The following CCDC88B variants were observed in gnomAD, a reference collection of about 807,000 sequenced individuals.
CCDC88B encodes the protein coiled-coil and HOOK domain protein 88B.
CCDC88B carries 138 observed loss-of-function variants against 183.7 expected under a neutral mutation model. That is an observed-to-expected ratio of 0.75 (90% CI 0.65 to 0.87). The LOEUF (loss-of-function observed/expected upper bound fraction) is 0.87. Among genes scored for constraint, CCDC88B ranks in the 40% least tolerant of loss-of-function variants. CCDC88B has a pLI of 0.00. For missense variants in CCDC88B, 1,822 were observed against 1,965.6 expected, an observed-to-expected ratio of 0.93 and a Z score of 1.38; for synonymous variants, 835 against 867.5, an observed-to-expected ratio of 0.96 and a Z score of 0.66.
chr11:64,348,180 A>C (rs1255014854), intron 14 of CCDC88B, among the ~76,000 whole-genome samples: 2 of 151,286 alleles, frequency 1.3e-5, no homozygotes, highest in Admixed American at 1.3e-4. Flanking sequence ...GGCAGCAGGT[A>C]GGCAGTGAAG....
In CCDC88B at chr11:64,344,141, C is replaced by T. The variant is rs780767761; in HGVS notation, c.1600C>T (p.Pro534Ser). ...DGGPQALDLA[P>S]PALDSVLEAS... ...AGGCCCCCAGGCCTTGGACTTGGCT[C>T]CCCCGGCATTAGACTCAGTGCTCGA... is the stretch of plus-strand genomic sequence containing the variant. Residue 534 changes from proline to serine, a missense_variant, in exon 14 of 27, where the codon CCC (proline) becomes TCC (serine). By Grantham distance (74) the Pro-to-Ser change is moderately conservative. Coordinates refer to ENST00000356786, the MANE Select transcript of CCDC88B (RefSeq NM_032251.6). The surrounding 1 kb of genome is among the most constrained non-coding windows in gnomAD (Gnocchi z 4.5). 5 of 1,613,170 alleles carry T rather than the reference C, an allele frequency of 3.1e-6. No individual in the cohort carries two copies. The highest frequency in any genetic ancestry group is 1.1e-5 in the South Asian group (1 of 91,020).
At position 64,353,791 on chromosome 11, in the gene CCDC88B, C is replaced by G. The variant is rs763859396; in HGVS notation, c.3910C>G (p.Pro1304Ala). 5 of 1,614,054 alleles carry G rather than the reference C, an allele frequency of 3.1e-6. No individual in the cohort carries two copies. The highest frequency in any genetic ancestry group is 4.2e-6 in the Non-Finnish European group (5 of 1,179,952). ...KIMDQYRVLE[P>A]VPLPRTKKGS... The stretch of plus-strand genomic sequence containing the variant: ...CATGGACCAATACCGCGTGCTGGAG[C>G]CTGTGCCCCTGCCCCGGACCAAGTG... The change falls in exon 23 of 27, where the codon CCT becomes GCT. Residue 1304 changes from proline (P) to alanine (A), a missense_variant. Coordinates refer to ENST00000356786, the MANE Select transcript of CCDC88B (RefSeq NM_032251.6).
In CCDC88B at chr11:64,344,760, A is replaced by T; in HGVS notation, c.2219A>T (p.Lys740Met). 1 of 1,613,912 alleles carries T rather than the reference A, an allele frequency of 6.2e-7. No individual in the cohort carries two copies. Among genetic ancestry groups the T allele is most frequent in the Non-Finnish European group, 8.5e-7 (1 of 1,179,984 alleles). The stretch of plus-strand genomic sequence containing the variant: ...GAGGAGGTGGCACAGTTGAGGAGAA[A>T]GGCTGAGGCCCTTGGAGATGAGCTG... The part of the protein sequence containing the change: ...LREEVAQLRR[K>M]AEALGDELEA... Residue 740 changes from lysine (K) to methionine (M), a missense_variant, in exon 14 of 27, where the codon AAG (lysine) becomes ATG (methionine). Physicochemically the swap from Lys to Met is moderately conservative, Grantham distance 95. Coordinates refer to ENST00000356786, the MANE Select transcript of CCDC88B (RefSeq NM_032251.6). The surrounding 1 kb of genome is among the most constrained non-coding windows in gnomAD (Gnocchi z 4.5).
intron 24 of CCDC88B, 72 bp downstream of exon 24, chr11:64,354,242 T>C: frequency 8.0e-7 from 1 of 1,244,318 alleles, no homozygotes; most frequent in Non-Finnish European, 1.0e-6. Context: ...GGCACCTGCC[T>C]CACTGCCTGG....
chr11:64,345,717 C>A (rs749185443), intron 14 of CCDC88B, among the ~76,000 whole-genome samples: 13 of 152,124 alleles, frequency 8.5e-5, no homozygotes, highest in Admixed American at 2.0e-4. Flanking sequence ...GCATTAAAGA[C>A]GCTCAGGGGC....
rs767989966 is a variant in CCDC88B, at chr11:64,340,870, C to T, written c.207-37C>T. 25 of 1,535,024 alleles carry T rather than the reference C, an allele frequency of 1.6e-5. 1 individual carries two copies. In the South Asian group the frequency reaches 3.2e-4, roughly 19 times the overall value. On this transcript the variant is annotated intron_variant, in intron 2 of 26. Coordinates refer to ENST00000356786, the MANE Select transcript of CCDC88B (RefSeq NM_032251.6). ...AGGGACGGTGGGCGAGGCCTGTTGA[C>T]GGGAGGCGGGTCCTCGAGCCCACCT...
At position 64,340,604 on chromosome 11, in the gene CCDC88B, C is replaced by A; in HGVS notation, c.61-3C>A. The A allele has an allele frequency of 6.2e-7, 1 of 1,607,144 alleles. No homozygotes were observed. Among genetic ancestry groups the A allele is most frequent in the Middle Eastern group, 1.7e-4 (1 of 5,736 alleles). ...TCGGCTGACCCCTCTGGGCTCCTCA[C>A]AGGCGCTGGGACTGGCCGGGCTGGT... On this transcript the variant is annotated splice_region_variant and splice_polypyrimidine_tract_variant and intron_variant, in intron 1 of 26. Coordinates refer to ENST00000356786, the MANE Select transcript of CCDC88B (RefSeq NM_032251.6).
Position 64,354,029 on chromosome 11 carries a change from G to C in CCDC88B, c.3958G>C (p.Val1320Leu), listed in dbSNP as rs2036444788. 2 of 1,483,092 alleles carry C rather than the reference G, an allele frequency of 1.3e-6. No homozygotes were observed. Among genetic ancestry groups the C allele is most frequent in the Non-Finnish European group, 1.8e-6 (2 of 1,112,682 alleles). The allele number at this position is 1,483,092 out of a possible 1,614,324, so 91.9% of individuals were successfully genotyped here. A position where few individuals can be genotyped will look rare whatever the true frequency, so the allele number is the denominator to read the frequency against. ...TKKGSWLADK[V>L]KRLMRPRREG... ...GAAGGGCAGCTGGCTGGCAGACAAG[G>C]TGAAGAGGCTGATGCGGCCCCGGCG... Residue 1320 changes from valine to leucine, a missense_variant, in exon 24 of 27, where the codon GTG (valine) becomes CTG (leucine). By Grantham distance (32) the Val-to-Leu change is conservative (BLOSUM62 1). Transcript: ENST00000356786.
rs952197280 is a variant in CCDC88B, at chr11:64,343,912, C to T, written c.1453C>T (p.Gln485Ter). ...LQVLQGQPGG[Q>*]HPLLEAPRED... ...GGTGCTTCAGGGGCAGCCAGGGGGC[C>T]AGGTAAGTCCCCTCCCCCAGGGTCC... Residue 485 changes from glutamine to a stop codon, truncating the protein, a stop_gained and splice_region_variant, in exon 13 of 27, where the codon CAG becomes TAG. Coordinates refer to ENST00000356786, the MANE Select transcript of CCDC88B (RefSeq NM_032251.6). LOFTEE classifies it high-confidence loss of function. 6.3e-7 allele frequency: 1 copy of T among 1,598,670 alleles called. No homozygotes were observed. Among genetic ancestry groups the T allele is most frequent in the Non-Finnish European group, 8.5e-7 (1 of 1,172,418 alleles).
intron 1 of CCDC88B, 125 bp downstream of exon 1, chr11:64,340,451 G>T: frequency 7.5e-7 from 1 of 1,336,354 alleles, no homozygotes; most frequent in South Asian, 1.6e-5. Context: ...TTCAAATGTG[G>T]GGGATGGAGA....
In CCDC88B at chr11:64,340,962, G is replaced by A. The variant is rs1371487415; in HGVS notation, c.262G>A (p.Ala88Thr). The change falls in exon 3 of 27, where the codon GCC becomes ACC. Residue 88 changes from alanine (A) to threonine (T), a missense_variant. Physicochemically the swap from Ala to Thr is moderately conservative, Grantham distance 58. Transcript: ENST00000356786. Reference sequence around the variant, plus strand: ...GCTCAGAGGCCTTGACGGACCTGCTGCCTGGCGAGTGTGGAACCTGAACCA... The same window carrying A: ...GCTCAGAGGCCTTGACGGACCTGCTACCTGGCGAGTGTGGAACCTGAACCA... ...RMLRGLDGPA[A>T]WRVWNLNHLW... 3.7e-6 allele frequency: 6 copies of A among 1,601,812 alleles called. No homozygotes were observed. The East Asian group carries it at 1.3e-4, about 36-fold the overall frequency.
At chr11:64,355,786 G>T in intron 26 of CCDC88B, 158 bp downstream of exon 26, 1 of 601,102 alleles carries the variant, frequency 1.7e-6, no homozygotes, top group Non-Finnish European at 2.8e-6. Flanking sequence ...GGTGTGAGGA[G>T]GCAGATAGTA....
intron 21 of CCDC88B, 50 bp from the exon 22 acceptor site, chr11:64,353,301 G>C: frequency 6.3e-7 from 1 of 1,598,074 alleles, no homozygotes; most frequent in Middle Eastern, 1.8e-4. Flanking sequence ...CTAGACCCAG[G>C]TGGTCCTGAG....
intron 14 of CCDC88B, among the ~76,000 whole-genome samples, chr11:64,348,641 C>T (rs1430184198): frequency 6.6e-6 from 1 of 152,204 alleles, no homozygotes; most frequent in East Asian, 1.9e-4. Context: ...GGCTTGTAGG[C>T]TTGGTTTCCA....
At chr11:64,355,975 T>C (rs2036533573) in intron 26 of CCDC88B, 1 of 179,228 alleles carries the variant, frequency 5.6e-6, no homozygotes, top group African/African-American at 2.4e-5. Context: ...CATTTCAGCA[T>C]GTAGCCAGTG....
chr11:64,341,900 C>A, intron 7 of CCDC88B, 94 bp from the exon 8 acceptor site: 2 of 705,430 alleles, frequency 2.8e-6, no homozygotes, highest in East Asian at 7.1e-5. Context: ...GCCCAAGACC[C>A]CAGACCACAA....
Position 64,341,846 on chromosome 11 carries a change from T to A in CCDC88B, c.675+104T>A, listed in dbSNP as rs763481810. 1.6e-4 allele frequency: 117 copies of A among 741,352 alleles called. 1 individual carries two copies. Among genetic ancestry groups the A allele is most frequent in the Non-Finnish European group, 2.1e-4 (115 of 554,634 alleles). 45.9% of individuals were successfully genotyped at this position (741,352 alleles called of 1,614,324 possible). A position where few individuals can be genotyped will look rare whatever the true frequency, so the allele number is the denominator to read the frequency against. On this transcript the variant is annotated intron_variant, in intron 7 of 26. Transcript: ENST00000356786. ...GAAGTTTGGGGCCCAGGCATGGGGT[T>A]GTGGTCTGAGGTCTTGGGCCATCAG...
Position 64,344,282 on chromosome 11 carries a change from TCTCCTGTGGAGACACA to T in CCDC88B, c.1742_1757del (p.Ser581TrpfsTer56). 1.2e-6 allele frequency: 2 copies of T among 1,613,536 alleles called. No individual in the cohort carries two copies. The highest frequency in any genetic ancestry group is 1.7e-6 in the Non-Finnish European group (2 of 1,179,924). On this transcript the variant is annotated frameshift_variant, in exon 14 of 27. Transcript: ENST00000356786. LOFTEE classifies it high-confidence loss of function. The surrounding 1 kb of genome is among the most constrained non-coding windows in gnomAD (Gnocchi z 4.5). ...AGACTGGTCCCCGCAAGAGTCAGGC[TCTCCTGTGGAGACACA>T]GGAGTCCCCGGAGAAGGCTGGCCGT... is the stretch of plus-strand genomic sequence containing the variant.
Position 64,345,131 on chromosome 11 carries a change from C to A in CCDC88B, c.2590C>A (p.Arg864Ser). The A allele has an allele frequency of 6.5e-7, 1 of 1,547,070 alleles. No homozygotes were observed. ...GCACTTGGAGGAGGCTGAGAGGGAGCGCCGGGAGAAGGAGGCCCTCCAGGC... is the reference window on the plus strand; with the variant it reads ...GCACTTGGAGGAGGCTGAGAGGGAGAGCCGGGAGAAGGAGGCCCTCCAGGC... The part of the protein sequence containing the change: ...RQHLEEAERE[R>S]REKEALQAEL... Residue 864 changes from arginine (R) to serine (S), a missense_variant, in exon 14 of 27, where the codon CGC becomes AGC. Physicochemically the swap from Arg to Ser is moderately radical, Grantham distance 110. Coordinates refer to ENST00000356786, the MANE Select transcript of CCDC88B (RefSeq NM_032251.6).
Sources: gnomAD v4.1 joint callset for allele counts (sites outside exome capture counted in the v4.1 genomes callset) on GRCh38, gnomAD v4.1.1 for gene constraint, Gnocchi (gnomAD v3.1) non-coding constraint, MANE v1.5 for transcripts, NCBI Gene and HGNC (gene_info 2026-07-23, HGNC 2026-07-21) for gene names.